MAGI2: variants seen among roughly 807,000 people sequenced by gnomAD.
MAGI2 encodes membrane-associated guanylate kinase, WW and PDZ domain-containing protein 2.
In MAGI2, 35 loss-of-function variants were observed where a neutral mutation model predicts 133.3. That is an observed-to-expected ratio of 0.26 (90% CI 0.20 to 0.35). The LOEUF (loss-of-function observed/expected upper bound fraction) is 0.35. Among genes scored for constraint, MAGI2 ranks in the 10% least tolerant of loss-of-function variants. The pLI is 1.00. For missense variants in MAGI2, 1,636 were observed against 1,863.4 expected (o/e 0.88, Z 2.25); for synonymous variants, 729 against 710.6 (o/e 1.03, Z -0.41).
intron 2 of MAGI2, among the ~76,000 whole-genome samples, chr7:78,767,243 C>G (rs1432981511): frequency 6.6e-6 from 1 of 152,172 alleles, no homozygotes; most frequent in Non-Finnish European, 1.5e-5. Flanking sequence ...CCTGCCTCGG[C>G]CTTCCAAAGT....
At chr7:79,009,592 C>T (rs1421309739) in intron 1 of MAGI2, among the ~76,000 whole-genome samples, 1 of 152,078 alleles carries the variant, frequency 6.6e-6, no homozygotes, top group Non-Finnish European at 1.5e-5. Context: ...ATTATTCTTT[C>T]CTTTTAAAAG....
At chr7:78,498,781 C>A (rs1327514114) in intron 5 of MAGI2, among the ~76,000 whole-genome samples, 1 of 152,006 alleles carries the variant, frequency 6.6e-6, no homozygotes, top group South Asian at 2.1e-4. Flanking sequence ...AGCAGGCGGG[C>A]AGGGATGCCT....
At chr7:78,422,116 G>A (rs1025649631) in intron 6 of MAGI2, among the ~76,000 whole-genome samples, 1 of 152,134 alleles carries the variant, frequency 6.6e-6, no homozygotes, top group Non-Finnish European at 1.5e-5. Context: ...AGCTCTAACA[G>A]AACTGAGGAT....
At chr7:78,760,407 G>A (rs1824389300) in intron 2 of MAGI2, among the ~76,000 whole-genome samples, 1 of 138,910 alleles carries the variant, frequency 7.2e-6, no homozygotes, top group Admixed American at 7.7e-5. Flanking sequence ...TTGTTGCCCA[G>A]GCTGGAGTGC....
chr7:79,068,905 G>C (rs1814658085), intron 1 of MAGI2, among the ~76,000 whole-genome samples: 1 of 152,016 alleles, frequency 6.6e-6, no homozygotes, highest in Non-Finnish European at 1.5e-5. Flanking sequence ...AGTTTTGAGT[G>C]AGTTTCTTAA....
At chr7:79,375,909 C>G (rs914475537) in intron 1 of MAGI2, among the ~76,000 whole-genome samples, 2 of 151,840 alleles carry the variant, frequency 1.3e-5, no homozygotes, top group African/African-American at 4.8e-5. Flanking sequence ...TTGGTCTTAT[C>G]AGATATATGC....
chr7:78,389,385 C>A (rs933782611), intron 6 of MAGI2, among the ~76,000 whole-genome samples: 2 of 152,228 alleles, frequency 1.3e-5, no homozygotes, highest in South Asian at 2.1e-4. Context: ...ATATTATGAC[C>A]ATCTGTTTTC....
chr7:78,827,742 T>A (rs558028806), intron 2 of MAGI2, among the ~76,000 whole-genome samples: 2 of 152,240 alleles, frequency 1.3e-5, no homozygotes, highest in African/African-American at 4.8e-5. Context: ...ATAAAATAAA[T>A]ATCCATGTGT....
At chr7:78,691,601 A>G (rs1816961415) in intron 2 of MAGI2, among the ~76,000 whole-genome samples, 1 of 152,202 alleles carries the variant, frequency 6.6e-6, no homozygotes, top group African/African-American at 2.4e-5. Context: ...CAAAAGTCAT[A>G]TTCTAGGAAC....
At chr7:78,767,123 G>A (rs1159413021) in intron 2 of MAGI2, among the ~76,000 whole-genome samples, 1 of 151,972 alleles carries the variant, frequency 6.6e-6, no homozygotes, top group African/African-American at 2.4e-5. Flanking sequence ...CCGAGTAGCT[G>A]GGATTACAGG....
intron 1 of MAGI2, among the ~76,000 whole-genome samples, chr7:79,188,886 T>A (rs777483446): frequency 6.6e-6 from 1 of 151,908 alleles, no homozygotes; most frequent in Non-Finnish European, 1.5e-5. Flanking sequence ...GTGTATATTA[T>A]TTAAAACAGT....
rs766217338 is a variant in MAGI2 at position 78,369,186 on chromosome 7, T to G, written c.1073A>C (p.Asp358Ala). Residue 358 changes from aspartate (D) to alanine (A), a missense_variant, in exon 7 of 22, where the codon GAT (aspartate) becomes GCT (alanine). This residue lies in a region of MAGI2 where 920 missense variants were observed against 1,093.5 expected (regional missense o/e 0.84). Coordinates refer to ENST00000354212, the MANE Select transcript of MAGI2 (RefSeq NM_012301.4). ...ATAATAAGTGCCATAAATGGGATCA[T>G]CGATTTTTTCCCAGCCATATGGAAG... ...NELPYGWEKIDDPIYGTYYVD... is the reference protein window; with the variant it reads ...NELPYGWEKIADPIYGTYYVD... 5 of 1,605,306 alleles carry G rather than the reference T, an allele frequency of 3.1e-6. No homozygotes were observed. The East Asian group carries it at 1.1e-4, about 36-fold the overall frequency.
intron 6 of MAGI2, among the ~76,000 whole-genome samples, chr7:78,380,216 C>G (rs531998350): frequency 7.6e-4 from 115 of 151,648 alleles, no homozygotes; most frequent in African/African-American, 2.7e-3. Flanking sequence ...TAGACTATTT[C>G]TTTTTTTAAA....
intron 6 of MAGI2, among the ~76,000 whole-genome samples, chr7:78,408,484 G>C (rs1797590100): frequency 6.6e-6 from 1 of 152,010 alleles, no homozygotes; most frequent in Non-Finnish European, 1.5e-5. Flanking sequence ...CTGAGAAAAG[G>C]AGGGATGGAG....
chr7:79,288,401 C>T (rs946007313), intron 1 of MAGI2, among the ~76,000 whole-genome samples: 6 of 152,076 alleles, frequency 3.9e-5, no homozygotes, highest in Non-Finnish European at 4.4e-5. Flanking sequence ...ATTTATAATC[C>T]AAAAATATTC....
chr7:79,166,989 T>C (rs950786275), intron 1 of MAGI2, among the ~76,000 whole-genome samples: 4 of 152,134 alleles, frequency 2.6e-5, no homozygotes, highest in African/African-American at 9.6e-5. Flanking sequence ...AAGGGGAAGG[T>C]ATACTACTCC....
At chr7:78,907,560 T>C (rs1798078130) in intron 2 of MAGI2, among the ~76,000 whole-genome samples, 1 of 152,190 alleles carries the variant, frequency 6.6e-6, no homozygotes, top group Non-Finnish European at 1.5e-5. Context: ...TCAAACCTTG[T>C]TGACTTTTGT....
At chr7:78,750,650 A>G (rs556268705) in intron 2 of MAGI2, among the ~76,000 whole-genome samples, 1 of 152,298 alleles carries the variant, frequency 6.6e-6, no homozygotes, top group African/African-American at 2.4e-5. Context: ...AGGAAGATAA[A>G]CTGTGGAGGG....
At chr7:79,090,418 A>G (rs1398641299) in intron 1 of MAGI2, among the ~76,000 whole-genome samples, 1 of 152,140 alleles carries the variant, frequency 6.6e-6, no homozygotes, top group African/African-American at 2.4e-5. Context: ...TCAACCATTT[A>G]AGAAAAGATG....
Sources: allele counts gnomAD v4.1 joint callset (sites outside exome capture counted in the v4.1 genomes callset), GRCh38; gene constraint gnomAD v4.1.1; regional missense constraint gnomAD v4.1.1; transcripts MANE v1.5; gene names NCBI Gene and HGNC (gene_info 2026-07-23, HGNC 2026-07-21).